CHN2: variants seen among roughly 807,000 people sequenced by gnomAD.
The protein encoded by CHN2 is beta-chimaerin.
CHN2 carries 35 observed loss-of-function variants against 56.3 expected under a neutral mutation model. That is an observed-to-expected ratio of 0.62 (90% confidence interval 0.47 to 0.82). CHN2 has a LOEUF of 0.82. CHN2 is among the 40% of genes least tolerant of loss of function. The pLI is 0.00. For missense variants in CHN2, 491 were observed against 580.5 expected, an observed-to-expected ratio of 0.85 and a Z score of 1.58; for synonymous variants, 210 against 212.8, an observed-to-expected ratio of 0.99 and a Z score of 0.12.
chr7:29,314,830 C>G (rs1482030588), intron 1 of CHN2, among the ~76,000 whole-genome samples: 2 of 151,674 alleles, frequency 1.3e-5, no homozygotes, highest in Non-Finnish European at 2.9e-5. Flanking sequence ...TTTCTAGCGT[C>G]TTATAAGCTG....
In CHN2 at chr7:29,419,987, G is replaced by A. The variant is rs1207605705; in HGVS notation, c.576+19159G>A. 7.9e-5 allele frequency among the ~76,000 whole-genome samples: 12 copies of A among 151,106 alleles called. 1 individual carries two copies. Among genetic ancestry groups the A allele is most frequent in the Middle Eastern group, 6.8e-3 (2 of 294 alleles). On this transcript the variant is annotated intron_variant, in intron 6 of 12. Transcript: ENST00000222792. ...AGGCAGAAGAATTGCTCAAACCCAG[G>A]AGGCAGAGGTTGCAGTGAGCCAAGA...
intron 1 of CHN2, among the ~76,000 whole-genome samples, chr7:29,263,441 G>A (rs1308899614): frequency 6.6e-6 from 1 of 152,104 alleles, no homozygotes; most frequent in Non-Finnish European, 1.5e-5. Flanking sequence ...GCCTCTGCCC[G>A]GCCGCCACCC....
intron 3 of CHN2, among the ~76,000 whole-genome samples, chr7:29,377,410 G>T (rs1800155558): frequency 6.6e-6 from 1 of 152,128 alleles, no homozygotes; most frequent in African/African-American, 2.4e-5. Flanking sequence ...GATCTTTTAG[G>T]TGTTTTCCTT....
rs537042526 is a variant in CHN2 at position 29,265,767 on chromosome 7, G to A, written c.49+70777G>A. On this transcript the variant is annotated intron_variant, in intron 1 of 12. Coordinates refer to ENST00000222792, the MANE Select transcript of CHN2 (RefSeq NM_004067.4). ...TGGTGAGTGACAGCTGAGGAGGAAA[G>A]GCTGTTGATGTCAGCTACTGTAGTA... is the stretch of plus-strand genomic sequence containing the variant. Among the ~76,000 whole-genome samples, 4 of 152,302 alleles carry A rather than the reference G, an allele frequency of 2.6e-5. No homozygotes were observed. In the East Asian group the frequency reaches 7.7e-4, roughly 29 times the overall value.
chr7:29,512,814 CTTGAT>C lies in CHN2; in HGVS notation c.*83_*87del. The C allele has an allele frequency of 6.8e-7, 1 of 1,467,476 alleles. No homozygotes were observed. The highest frequency in any genetic ancestry group is 9.2e-7 in the Non-Finnish European group (1 of 1,087,432). 90.9% of individuals were successfully genotyped at this position (1,467,476 alleles called of 1,614,324 possible). A position where few individuals can be genotyped will look rare whatever the true frequency, so the allele number is the denominator to read the frequency against. On this transcript the variant is annotated 3_prime_UTR_variant, in exon 13 of 13. Coordinates refer to ENST00000222792, the MANE Select transcript of CHN2 (RefSeq NM_004067.4). ...AAAGGAATAAAAACATTTCTTACCACTTGATTTGTTTTCCAAGCAAGTGCTAGAAT... is the reference window on the plus strand; with the variant it reads ...AAAGGAATAAAAACATTTCTTACCACTTGTTTTCCAAGCAAGTGCTAGAAT...
At chr7:29,154,081 C>T (rs1794009718) in intron 2 of CHN2, among the ~76,000 whole-genome samples, 1 of 152,190 alleles carries the variant, frequency 6.6e-6, no homozygotes, top group South Asian at 2.1e-4. Flanking sequence ...GCCCTAACCT[C>T]TGCATTTCTC....
At chr7:29,428,003 T>C (rs543701898) in intron 6 of CHN2, among the ~76,000 whole-genome samples, 2 of 152,162 alleles carry the variant, frequency 1.3e-5, no homozygotes, top group African/African-American at 2.4e-5. Context: ...TGGTGCAAGA[T>C]GGTGATGAGA....
chr7:29,213,191 G>A (rs1215134777), intron 1 of CHN2: 8 of 1,309,554 alleles, frequency 6.1e-6, no homozygotes, highest in Non-Finnish European at 8.7e-6. Flanking sequence ...ACTACTCCAC[G>A]AACACGCAAC....
intron 1 of CHN2, among the ~76,000 whole-genome samples, chr7:29,206,872 G>A (rs1406879725): frequency 1.3e-5 from 2 of 152,278 alleles, no homozygotes; most frequent in Admixed American, 6.5e-5. Flanking sequence ...ATGATTCCAC[G>A]CATATGGAAC....
intron 1 of CHN2, among the ~76,000 whole-genome samples, chr7:29,246,468 A>C (rs1788084319): frequency 6.6e-6 from 1 of 152,128 alleles, no homozygotes; most frequent in African/African-American, 2.4e-5. Context: ...TTATTGGCAT[A>C]GTTTCTATTC....
chr7:29,239,429 C>T (rs1005507001), intron 1 of CHN2, among the ~76,000 whole-genome samples: 6 of 152,088 alleles, frequency 3.9e-5, no homozygotes, highest in African/African-American at 7.2e-5. Context: ...GCCCATTAGA[C>T]GTGTCAAATA....
chr7:29,399,506 A>C (rs1258115026), intron 5 of CHN2, among the ~76,000 whole-genome samples: 1 of 152,252 alleles, frequency 6.6e-6, no homozygotes, highest in Non-Finnish European at 1.5e-5. Flanking sequence ...GGCACTTTTC[A>C]AACCTTGATC....
intron 2 of CHN2, among the ~76,000 whole-genome samples, chr7:29,169,961 T>C (rs1358375915): frequency 6.6e-6 from 1 of 151,920 alleles, no homozygotes; most frequent in African/African-American, 2.4e-5. Context: ...ATTGCAGCCT[T>C]GAACCCCTGG....
intron 1 of CHN2, among the ~76,000 whole-genome samples, chr7:29,255,018 G>A (rs1788954801): frequency 6.6e-6 from 1 of 152,148 alleles, no homozygotes; most frequent in Non-Finnish European, 1.5e-5. Context: ...ACCACTGGGA[G>A]GAGGTACTGG....
intron 3 of CHN2, among the ~76,000 whole-genome samples, chr7:29,370,631 T>C (rs1028215425): frequency 3.3e-5 from 5 of 152,136 alleles, no homozygotes; most frequent in Non-Finnish European, 7.3e-5. Context: ...TGACTCATAC[T>C]TTCCCGGGCC....
chr7:29,451,465 A>T (rs1346207281), intron 6 of CHN2, among the ~76,000 whole-genome samples: 1 of 152,164 alleles, frequency 6.6e-6, no homozygotes, highest in Non-Finnish European at 1.5e-5. Context: ...ACTACTTCTT[A>T]CTGCTTTCTT....
At chr7:29,238,015 C>CCTTT (rs1787333728) in intron 1 of CHN2, among the ~76,000 whole-genome samples, 1 of 106,004 alleles carries the variant, frequency 9.4e-6, no homozygotes, top group African/African-American at 3.6e-5. Flanking sequence ...TATGTATTCT[C>CCTTT]TTTTTTTTTT....
chr7:29,189,177 C>G (rs1799090499), intron 2 of CHN2, among the ~76,000 whole-genome samples: 1 of 152,044 alleles, frequency 6.6e-6, no homozygotes, highest in Non-Finnish European at 1.5e-5. Flanking sequence ...TCTCGAACTC[C>G]TGACCTCAAA....
chr7:29,355,650 T>C (rs751655800), intron 2 of CHN2, among the ~76,000 whole-genome samples: 1 of 151,850 alleles, frequency 6.6e-6, no homozygotes, highest in Non-Finnish European at 1.5e-5. Flanking sequence ...TCTGCTGTCA[T>C]CATTAGCATT....
Sources: allele counts gnomAD v4.1 joint callset (sites outside exome capture counted in the v4.1 genomes callset), GRCh38; gene constraint gnomAD v4.1.1; transcripts MANE v1.5; gene names NCBI Gene and HGNC (gene_info 2026-07-23, HGNC 2026-07-21).